GABRB1: variants seen among roughly 807,000 people sequenced by gnomAD.
GABRB1 encodes the protein gamma-aminobutyric acid type A receptor subunit beta1.
GABRB1 carries 17 observed loss-of-function variants against 51.6 expected under a neutral mutation model. That is an observed-to-expected ratio of 0.33 (90% CI 0.23 to 0.49). The LOEUF is 0.49. Among genes scored for constraint, GABRB1 ranks in the 20% least tolerant of loss-of-function variants. The pLI, the probability that GABRB1 is intolerant of heterozygous loss-of-function variation, is 0.99. For missense variants in GABRB1, 410 were observed against 600.6 expected (o/e 0.68, Z 3.32); for synonymous variants, 247 against 218.9 (o/e 1.13, Z -1.14).
At chr4:47,054,111 C>A (rs1266076974) in intron 3 of GABRB1, among the ~76,000 whole-genome samples, 2 of 149,886 alleles carry the variant, frequency 1.3e-5, no homozygotes, top group African/African-American at 4.9e-5. Flanking sequence ...AGTCTTTTTT[C>A]CATATTTTAA....
intron 3 of GABRB1, among the ~76,000 whole-genome samples, chr4:47,160,075 T>C (rs1414993364): frequency 6.6e-6 from 1 of 152,080 alleles, no homozygotes; most frequent in Non-Finnish European, 1.5e-5. Flanking sequence ...AGAAAATAAC[T>C]AAAGTGCTAA....
intron 3 of GABRB1, among the ~76,000 whole-genome samples, chr4:47,045,777 A>G (rs1726057230): frequency 6.6e-6 from 1 of 152,014 alleles, no homozygotes; most frequent in Non-Finnish European, 1.5e-5. Context: ...ATGTTGTTAT[A>G]TCGGAGCTCA....
At chr4:47,362,121 A>G (rs1001777296) in intron 5 of GABRB1, among the ~76,000 whole-genome samples, 1 of 152,192 alleles carries the variant, frequency 6.6e-6, no homozygotes, top group African/African-American at 2.4e-5. Flanking sequence ...GGAGAAAACA[A>G]TATCAGAGAA....
intron 5 of GABRB1, among the ~76,000 whole-genome samples, chr4:47,370,536 C>G (rs1265257862): frequency 4.6e-5 from 7 of 151,330 alleles, no homozygotes; most frequent in African/African-American, 1.7e-4. Context: ...AGGCTTTAGG[C>G]AACACGCAGA....
chr4:47,223,297 T>C (rs542183259), intron 4 of GABRB1, among the ~76,000 whole-genome samples: 1 of 152,252 alleles, frequency 6.6e-6, no homozygotes, highest in East Asian at 1.9e-4. Context: ...CTAGTATTTT[T>C]CATTTGTTAT....
intron 3 of GABRB1, among the ~76,000 whole-genome samples, chr4:47,081,266 G>A (rs1011345490): frequency 2.0e-5 from 3 of 152,060 alleles, no homozygotes; most frequent in African/African-American, 7.2e-5. Flanking sequence ...AAATATTGAG[G>A]CATTATTCAA....
chr4:47,263,730 A>G (rs1026525175), intron 4 of GABRB1, among the ~76,000 whole-genome samples: 1 of 152,238 alleles, frequency 6.6e-6, no homozygotes, highest in African/African-American at 2.4e-5. Context: ...TTAGAAGTCT[A>G]TAAATGAAAG....
chr4:47,021,811 C>T (rs191815040), intron 1 of GABRB1, among the ~76,000 whole-genome samples: 59 of 152,116 alleles, frequency 3.9e-4, no homozygotes, highest in Admixed American at 5.9e-4. Context: ...TTCCCATCTG[C>T]TCCTCCTTTT....
upstream of GABRB1, among the ~76,000 whole-genome samples, chr4:47,029,249 C>G (rs1004777206): frequency 6.6e-6 from 1 of 151,782 alleles, no homozygotes; most frequent in Admixed American, 6.6e-5. Flanking sequence ...CTAGTATGTC[C>G]AAAGAGTGGT....
chr4:47,394,985 G>T (rs945626625), intron 5 of GABRB1, among the ~76,000 whole-genome samples: 2 of 152,188 alleles, frequency 1.3e-5, no homozygotes, highest in Middle Eastern at 3.2e-3. Flanking sequence ...GACAGACATA[G>T]AAGCTGGTCT....
chr4:47,139,760 G>A (rs1716834383), intron 3 of GABRB1, among the ~76,000 whole-genome samples: 1 of 151,946 alleles, frequency 6.6e-6, no homozygotes, highest in Admixed American at 6.6e-5. Flanking sequence ...ATGTAAATAT[G>A]AATCAACTGG....
In GABRB1 at chr4:47,345,883, AG is replaced by A. The variant is rs143283471; in HGVS notation, c.544+25675del. Reference sequence around the variant, plus strand: ...GCACATGCCCAGATTCCCCCAAACAAGCACACCCACAATGCATAATAAAATG... The same window carrying A: ...GCACATGCCCAGATTCCCCCAAACAACACACCCACAATGCATAATAAAATG... On this transcript the variant is annotated intron_variant, in intron 5 of 8. Transcript: ENST00000295454. Among the ~76,000 whole-genome samples, 1,031 of 152,278 alleles carry A rather than the reference AG, an allele frequency of 6.8e-3. 8 individuals carry two copies. Among genetic ancestry groups the A allele is most frequent in the South Asian group, 0.011 (51 of 4,822 alleles).
intron 4 of GABRB1, among the ~76,000 whole-genome samples, chr4:47,202,894 T>C (rs1025376496): frequency 2.0e-5 from 3 of 151,948 alleles, no homozygotes; most frequent in Non-Finnish European, 2.9e-5. Context: ...TAATATAAAA[T>C]AAAGGCCCCA....
intron 4 of GABRB1, among the ~76,000 whole-genome samples, chr4:47,288,051 G>A (rs534335884): frequency 2.2e-4 from 33 of 152,254 alleles, no homozygotes; most frequent in African/African-American, 6.3e-4. Context: ...TTGTTGGCTC[G>A]CAAAATCTGT....
At chr4:47,373,147 C>T (rs1342671062) in intron 5 of GABRB1, among the ~76,000 whole-genome samples, 2 of 152,184 alleles carry the variant, frequency 1.3e-5, no homozygotes, top group Non-Finnish European at 2.9e-5. Flanking sequence ...CTTATCTCTC[C>T]TCAAGGAGGT....
chr4:47,029,694 C>G (rs1353042486), upstream of GABRB1, among the ~76,000 whole-genome samples: 2 of 151,838 alleles, frequency 1.3e-5, no homozygotes, highest in Non-Finnish European at 2.9e-5. Flanking sequence ...ATTAAAGTTA[C>G]GTATCTACCT....
chr4:47,151,460 C>A (rs1717448781), intron 3 of GABRB1, among the ~76,000 whole-genome samples: 1 of 151,948 alleles, frequency 6.6e-6, no homozygotes, highest in African/African-American at 2.4e-5. Flanking sequence ...TGATTTAATT[C>A]AGATTCATAT....
chr4:47,199,490 C>T (rs969693984), intron 4 of GABRB1, among the ~76,000 whole-genome samples: 1 of 152,042 alleles, frequency 6.6e-6, no homozygotes, highest in African/African-American at 2.4e-5. Context: ...GAGTAACTCT[C>T]ACAAAATATG....
intron 3 of GABRB1, among the ~76,000 whole-genome samples, chr4:47,084,962 G>A (rs1728003350): frequency 6.6e-6 from 1 of 152,054 alleles, no homozygotes; most frequent in South Asian, 2.1e-4. Context: ...ACCCTTGGGA[G>A]TTATTAAGCT....
Sources: gnomAD v4.1 joint callset for allele counts (sites outside exome capture counted in the v4.1 genomes callset) on GRCh38, gnomAD v4.1.1 for gene constraint, MANE v1.5 for transcripts, NCBI Gene and HGNC (gene_info 2026-07-23, HGNC 2026-07-21) for gene names.